The following POLK variants were observed in gnomAD, a reference collection of about 807,000 sequenced individuals.
The protein encoded by POLK is polymerase (DNA directed) kappa.
Under a neutral mutation model 94.0 loss-of-function variants are expected in POLK, and 76 were observed. That is an observed-to-expected ratio of 0.81 (90% CI 0.67 to 0.98). The LOEUF is 0.98. POLK is among the 50% of genes least tolerant of loss of function. The pLI, the probability that POLK is intolerant of heterozygous loss-of-function variation, is 0.00. For synonymous variants in POLK, 349 were observed against 325.4 expected (o/e 1.07, Z -0.78); for missense variants, 954 against 1,010.1 (o/e 0.94, Z 0.75).
At chr5:75,531,376 G>A (rs1466529607) in intron 1 of POLK, among the ~76,000 whole-genome samples, 4 of 151,036 alleles carry the variant, frequency 2.6e-5, no homozygotes, top group Admixed American at 2.0e-4. Context: ...ATAGTATATA[G>A]CTACCAGTAT....
intron 1 of POLK, among the ~76,000 whole-genome samples, chr5:75,531,438 C>T (rs1769179571): frequency 6.6e-6 from 1 of 150,792 alleles, no homozygotes; most frequent in South Asian, 2.1e-4. Context: ...CAGTATATAG[C>T]TATTTACACC....
At chr5:75,542,860 C>A (rs1268402818) in intron 1 of POLK, among the ~76,000 whole-genome samples, 1 of 148,480 alleles carries the variant, frequency 6.7e-6, no homozygotes, top group Non-Finnish European at 1.5e-5. Flanking sequence ...TTACAGGCAT[C>A]TGCCACCGCG....
At chr5:75,605,958 G>A (rs62366610), downstream of POLK, among the ~76,000 whole-genome samples, 18 of 139,834 alleles carry the variant, frequency 1.3e-4, no homozygotes, top group South Asian at 2.5e-4. Flanking sequence ...GGGAACCAGC[G>A]TTCAGCATAT....
chr5:75,527,630 CTGT>C (rs1768938368), intron 1 of POLK, among the ~76,000 whole-genome samples: 1 of 151,554 alleles, frequency 6.6e-6, no homozygotes, highest in Non-Finnish European at 1.5e-5. Context: ...TTGGACTTTA[CTGT>C]TGACATACCT....
At chr5:75,549,398 A>G (rs1770221300) in intron 2 of POLK, among the ~76,000 whole-genome samples, 1 of 151,876 alleles carries the variant, frequency 6.6e-6, no homozygotes, top group Non-Finnish European at 1.5e-5. Context: ...TTTTTTTATT[A>G]TCATACTTTA....
intron 1 of POLK, among the ~76,000 whole-genome samples, chr5:75,515,413 A>G (rs1034685808): frequency 6.6e-6 from 1 of 152,160 alleles, no homozygotes; most frequent in African/African-American, 2.4e-5. Context: ...TTGGCCTCCC[A>G]AAGTGTTGAG....
At chr5:75,548,954 GA>G (rs974201007) in intron 2 of POLK, among the ~76,000 whole-genome samples, 2 of 152,126 alleles carry the variant, frequency 1.3e-5, no homozygotes, top group African/African-American at 4.8e-5. Flanking sequence ...GATGAAGTGG[GA>G]AAATGGCCTT....
At chr5:75,562,974 G>A (rs1405598735) in intron 3 of POLK, among the ~76,000 whole-genome samples, 3 of 152,032 alleles carry the variant, frequency 2.0e-5, no homozygotes, top group African/African-American at 7.2e-5. Flanking sequence ...AAATTTTTTT[G>A]TTGTTGTTGT....
intron 3 of POLK, among the ~76,000 whole-genome samples, chr5:75,554,857 A>T (rs1021233635): frequency 4.6e-5 from 7 of 152,184 alleles, no homozygotes; most frequent in African/African-American, 1.7e-4. Context: ...ATTGCCACAC[A>T]GTATTCCATG....
intron 1 of POLK, among the ~76,000 whole-genome samples, chr5:75,519,364 C>T (rs1768464517): frequency 6.6e-6 from 1 of 152,130 alleles, no homozygotes; most frequent in Admixed American, 6.5e-5. Context: ...TGTTCTGCAG[C>T]AGTTGGGTGA....
intron 7 of POLK, 22 bp downstream of exon 7, chr5:75,581,470 G>T: frequency 6.3e-7 from 1 of 1,598,392 alleles, no homozygotes; most frequent in Non-Finnish European, 8.6e-7. Context: ...AGTATTGATG[G>T]CCACTGTAGT....
intron 3 of POLK, among the ~76,000 whole-genome samples, chr5:75,559,523 G>GTTTTTTTTTTTTTTTTTTTTTTTTT (rs775525619): frequency 2.0e-4 from 11 of 54,680 alleles, no homozygotes; most frequent in African/African-American, 5.9e-4. Context: ...GTTTTGTTTT[G>GTTTTTTTTTTTTTTTTTTTTTTTTT]TTTTTTTTTT....
intron 1 of POLK, among the ~76,000 whole-genome samples, chr5:75,534,607 T>C (rs527873825): frequency 6.6e-6 from 1 of 152,364 alleles, no homozygotes; most frequent in Admixed American, 6.5e-5. Flanking sequence ...TCTAAGTTTC[T>C]TCATAGGTCT....
intron 1 of POLK, among the ~76,000 whole-genome samples, chr5:75,543,844 G>GT (rs1769874940): frequency 6.6e-6 from 1 of 151,858 alleles, no homozygotes; most frequent in Non-Finnish European, 1.5e-5. Flanking sequence ...GTTTGGTTTG[G>GT]TTTTTTTGAG....
intron 9 of POLK, 22 bp from the exon 10 acceptor site, chr5:75,587,004 G>T: frequency 1.3e-6 from 2 of 1,528,918 alleles, no homozygotes; most frequent in Non-Finnish European, 1.8e-6. Context: ...GAAAAATAAA[G>T]ACCTTTTTTT....
intron 1 of POLK, among the ~76,000 whole-genome samples, chr5:75,522,834 G>A (rs1768651036): frequency 6.6e-6 from 1 of 151,876 alleles, no homozygotes; most frequent in African/African-American, 2.4e-5. Flanking sequence ...TATAGTAATT[G>A]TAGGATAGAA....
chr5:75,553,037 A>G (rs1770412325), intron 3 of POLK, among the ~76,000 whole-genome samples: 1 of 152,162 alleles, frequency 6.6e-6, no homozygotes, highest in South Asian at 2.1e-4. Flanking sequence ...TTAAAACATA[A>G]TCATGTTATA....
intron 3 of POLK, among the ~76,000 whole-genome samples, chr5:75,556,827 C>G (rs1581010967): frequency 6.6e-6 from 1 of 151,874 alleles, no homozygotes; most frequent in South Asian, 2.1e-4. Flanking sequence ...TTTGGGAGAC[C>G]AAGGTGGGAA....
intron 6 of POLK, among the ~76,000 whole-genome samples, chr5:75,577,813 A>G (rs62366607): frequency 8.1e-4 from 123 of 152,366 alleles, no homozygotes; most frequent in Non-Finnish European, 1.6e-3. Context: ...TAATATGGGC[A>G]TCAAATACAA....
Sources: gnomAD v4.1 joint callset for allele counts (sites outside exome capture counted in the v4.1 genomes callset) on GRCh38, gnomAD v4.1.1 for gene constraint, MANE v1.5 for transcripts, NCBI Gene and HGNC (gene_info 2026-07-23, HGNC 2026-07-21) for gene names.